OTUD7A: variants seen among roughly 807,000 people sequenced by gnomAD.
OTUD7A encodes the protein OTU domain-containing protein 7A.
Under a neutral mutation model 65.7 loss-of-function variants are expected in OTUD7A, and 12 were observed. The observed-to-expected ratio is 0.18, with a 90% CI of 0.12 to 0.30. The LOEUF (loss-of-function observed/expected upper bound fraction) is 0.30. Among genes scored for constraint, OTUD7A ranks in the 10% least tolerant of loss-of-function variants. The probability of loss-of-function intolerance (pLI) is 1.00; values close to 1 mark genes in which losing one functional copy is unlikely to be tolerated. For missense variants in OTUD7A, 1,148 were observed against 1,304.8 expected, an observed-to-expected ratio of 0.88 and a Z score of 1.85; for synonymous variants, 641 against 586.3, an observed-to-expected ratio of 1.09 and a Z score of -1.35.
intron 7 of OTUD7A, among the ~76,000 whole-genome samples, chr15:31,526,880 C>CATATAT (rs1280881707): frequency 6.6e-6 from 1 of 152,122 alleles, no homozygotes; most frequent in Non-Finnish European, 1.5e-5. Context: ...AGCAGGCAGT[C>CATATAT]ATATATATAA....
chr15:31,863,877 C>T (rs1897810126), intron 1 of OTUD7A, among the ~76,000 whole-genome samples: 1 of 152,166 alleles, frequency 6.6e-6, no homozygotes, highest in Non-Finnish European at 1.5e-5. Flanking sequence ...ATTTTCTGAA[C>T]TTTTATGCTC....
At chr15:31,560,994 G>A (rs1888669409) in intron 4 of OTUD7A, among the ~76,000 whole-genome samples, 1 of 152,228 alleles carries the variant, frequency 6.6e-6, no homozygotes, top group Non-Finnish European at 1.5e-5. Context: ...CCTATGGCAA[G>A]TTAGTTTTAA....
At chr15:31,506,570 G>A (rs912446938) in intron 8 of OTUD7A, among the ~76,000 whole-genome samples, 10 of 152,150 alleles carry the variant, frequency 6.6e-5, no homozygotes, top group African/African-American at 2.4e-4. Context: ...GTGAAGGACA[G>A]CTAACTGGAT....
chr15:31,770,914 C>G (rs1309052820), intron 1 of OTUD7A, among the ~76,000 whole-genome samples: 8 of 152,278 alleles, frequency 5.3e-5, no homozygotes, highest in African/African-American at 1.4e-4. Flanking sequence ...CGCAACCTGA[C>G]AAAGGGCATC....
chr15:31,755,715 C>CT (rs1894793845), intron 1 of OTUD7A, among the ~76,000 whole-genome samples: 1 of 146,116 alleles, frequency 6.8e-6, no homozygotes, highest in African/African-American at 2.5e-5. Flanking sequence ...GAGCGAGACT[C>CT]TGTCTCAAAA....
At chr15:31,630,533 A>AGGTGT (rs1248986722) in intron 3 of OTUD7A, among the ~76,000 whole-genome samples, 4 of 151,080 alleles carry the variant, frequency 2.6e-5, no homozygotes, top group Admixed American at 6.6e-5. Flanking sequence ...ATTTTGGAAT[A>AGGTGT]GGTGTGGTGC....
At chr15:31,835,424 CA>C (rs1308728700) in intron 1 of OTUD7A, among the ~76,000 whole-genome samples, 2 of 152,104 alleles carry the variant, frequency 1.3e-5, no homozygotes, top group Non-Finnish European at 2.9e-5. Context: ...TTTGACCTTC[CA>C]AAAACCATCT....
At chr15:31,825,313 G>T (rs1896772101) in intron 1 of OTUD7A, among the ~76,000 whole-genome samples, 1 of 152,228 alleles carries the variant, frequency 6.6e-6, no homozygotes, top group Non-Finnish European at 1.5e-5. Context: ...CATTATCATG[G>T]CGGAAGGCAA....
At chr15:31,728,864 C>T (rs7176839) in intron 1 of OTUD7A, among the ~76,000 whole-genome samples, 6,428 of 152,234 alleles carry the variant, frequency 0.042, 261 homozygotes, top group African/African-American at 0.11. Context: ...TGTCATTCTC[C>T]CCTGGAGATC....
At chr15:31,772,231 G>A (rs1297430037) in intron 1 of OTUD7A, among the ~76,000 whole-genome samples, 9 of 136,796 alleles carry the variant, frequency 6.6e-5, no homozygotes, top group Non-Finnish European at 1.1e-4. Context: ...CAGCCTGGGC[G>A]ACAGAGCGAG....
Position 31,729,233 on chromosome 15 carries a change from T to G in OTUD7A, c.-99-72156A>C, listed in dbSNP as rs1893975304. On this transcript the variant is annotated intron_variant, in intron 1 of 12. Coordinates refer to ENST00000307050, the MANE Select transcript of OTUD7A (RefSeq NM_001382637.1). ...TCCACTGGGGTTTCGGAATGTATTC[T>G]CCACGTATGGGGGTGTTAAGGGGTT... Among the ~76,000 whole-genome samples the G allele has an allele frequency of 2.0e-5, 3 of 152,332 alleles. No individual in the cohort carries two copies. The South Asian group carries it at 6.2e-4, about 32-fold the overall frequency.
chr15:31,632,001 T>C (rs140717161), intron 3 of OTUD7A, among the ~76,000 whole-genome samples: 5,594 of 152,286 alleles, frequency 0.037, 354 homozygotes, highest in African/African-American at 0.13. Context: ...TAGTTTTTTT[T>C]CAAAGTTTTT....
rs763686406 is a variant in OTUD7A, at chr15:31,491,943, TAAAG to T, written c.1172-4381_1172-4378del. 2.0e-5 allele frequency among the ~76,000 whole-genome samples: 3 copies of T among 151,546 alleles called. No homozygotes were observed. The East Asian group carries it at 5.8e-4, about 29-fold the overall frequency. Reference sequence around the variant, plus strand: ...ATATCTCTGAAACATGAAGAAGACATAAAGAGTTTTTCAAATAAAAGTGAGCAAA... The same window carrying T: ...ATATCTCTGAAACATGAAGAAGACATAGTTTTTCAAATAAAAGTGAGCAAA... On this transcript the variant is annotated intron_variant, in intron 10 of 12. Coordinates refer to ENST00000307050, the MANE Select transcript of OTUD7A (RefSeq NM_001382637.1).
chr15:31,630,318 C>T (rs1465539962), intron 3 of OTUD7A, among the ~76,000 whole-genome samples: 1 of 151,096 alleles, frequency 6.6e-6, no homozygotes, highest in Admixed American at 6.6e-5. Flanking sequence ...TTTCAAAGAA[C>T]ATCTTTATTT....
chr15:31,753,702 T>TGTGA (rs1206556359), intron 1 of OTUD7A, among the ~76,000 whole-genome samples: 20 of 11,166 alleles, frequency 1.8e-3, no homozygotes, highest in African/African-American at 2.1e-3. Flanking sequence ...TATATATATA[T>TGTGA]TATATATATA....
chr15:31,500,424 C>T (rs778572171), intron 10 of OTUD7A, among the ~76,000 whole-genome samples: 25 of 152,368 alleles, frequency 1.6e-4, no homozygotes, highest in Non-Finnish European at 2.9e-4. Context: ...GGCTGCACCA[C>T]GCATGTCAGC....
At chr15:31,824,710 G>A (rs1191623151) in intron 1 of OTUD7A, among the ~76,000 whole-genome samples, 3 of 152,270 alleles carry the variant, frequency 2.0e-5, no homozygotes, top group East Asian at 3.9e-4. Flanking sequence ...AATACTATTT[G>A]CAAGGTTTAC....
At chr15:31,535,471 G>A (rs374356519) in intron 5 of OTUD7A, among the ~76,000 whole-genome samples, 37 of 152,236 alleles carry the variant, frequency 2.4e-4, no homozygotes, top group East Asian at 1.4e-3. Context: ...TTATGGCAGT[G>A]TGAAATGGAC....
chr15:31,645,907 G>C (rs115318559), intron 3 of OTUD7A, among the ~76,000 whole-genome samples: 3,626 of 151,822 alleles, frequency 0.024, 80 homozygotes, highest in Admixed American at 0.058. Context: ...TTCTTCCTGG[G>C]TCTCCCACAC....
Sources: allele counts gnomAD v4.1 joint callset (sites outside exome capture counted in the v4.1 genomes callset), GRCh38; gene constraint gnomAD v4.1.1; transcripts MANE v1.5; gene names NCBI Gene and HGNC (gene_info 2026-07-23, HGNC 2026-07-21).